A2M: variants seen among roughly 807,000 people sequenced by gnomAD.
A2M encodes the protein C3 and PZP-like alpha-2-macroglobulin domain-containing protein 5.
In A2M, 128 loss-of-function variants were observed where a neutral mutation model predicts 183.9. That is an observed-to-expected ratio of 0.70 (90% CI 0.60 to 0.81). The LOEUF is 0.81. Ranked by LOEUF, A2M falls within the 30% of genes least tolerant of loss-of-function variation. The pLI is 0.00. For synonymous variants in A2M, 592 were observed against 670.8 expected (o/e 0.88, Z 1.81); for missense variants, 1,495 against 1,787.6 (o/e 0.84, Z 2.95).
chr12:9,100,415 T>C (rs987997800), intron 13 of A2M, among the ~76,000 whole-genome samples: 2 of 152,036 alleles, frequency 1.3e-5, no homozygotes, highest in African/African-American at 2.4e-5. Flanking sequence ...ATTTTATTTT[T>C]CCCCCTTTGT....
chr12:9,079,863 C>G lies in A2M; in HGVS notation c.2855-48G>C, dbSNP rs780195234. On this transcript the variant is annotated intron_variant, in intron 23 of 35. Transcript: ENST00000318602. ...AGTCATAAAGCTTGGAGATTATCAT[C>G]TATCAAAGTCATTAAGCAGAAATAA... 3 of 1,450,810 alleles carry G rather than the reference C, an allele frequency of 2.1e-6. No individual in the cohort carries two copies. The South Asian group carries it at 4.8e-5, about 23-fold the overall frequency. 89.9% of individuals were successfully genotyped at this position (1,450,810 alleles called of 1,614,324 possible). A position where few individuals can be genotyped will look rare whatever the true frequency, so the allele number is the denominator to read the frequency against.
chr12:9,080,139 G>A lies in A2M; in HGVS notation c.2809C>T (p.Pro937Ser), dbSNP rs1422178511. 14 of 1,589,418 alleles carry A rather than the reference G, an allele frequency of 8.8e-6. No individual in the cohort carries two copies. The highest frequency in any genetic ancestry group is 1.2e-5 in the South Asian group (1 of 86,654). Residue 937 changes from proline (P) to serine (S), a missense_variant, in exon 23 of 36, where the codon CCA (proline) becomes TCA (serine). Coordinates refer to ENST00000318602, the MANE Select transcript of A2M (RefSeq NM_000014.6). ...VSEELSLKLP[P>S]NVVEESARAS... Reference sequence around the variant, plus strand: ...CGGGCAGATTCTTCTACCACATTTGGTGGCAGTTTCAGGGATAATTCTTCA... The same window carrying A: ...CGGGCAGATTCTTCTACCACATTTGATGGCAGTTTCAGGGATAATTCTTCA...
At position 9,080,177 on chromosome 12, in the gene A2M, C is replaced by T. The variant is rs938277447; in HGVS notation, c.2771G>A (p.Gly924Asp). ...GGATAATTCTTCAGAAACCTCACCA[C>T]CTAGAGAAATAAGCAAATCAGACAT... ...TTFNSLLCPS[G>D]GEVSEELSLK... The change falls in exon 23 of 36, where the codon GGT (glycine) becomes GAT (aspartate). Residue 924 changes from glycine (G) to aspartate (D), a missense_variant and splice_region_variant. By Grantham distance (94) the Gly-to-Asp change is moderately conservative. Transcript: ENST00000318602. The T allele has an allele frequency of 5.1e-6, 8 of 1,571,448 alleles. No individual in the cohort carries two copies. The African/African-American group carries it at 6.8e-5, about 13-fold the overall frequency.
Position 9,076,794 on chromosome 12 carries a change from TC to T in A2M, c.3493del (p.Glu1165LysfsTer11). 1 of 1,613,934 alleles carries T rather than the reference TC, an allele frequency of 6.2e-7. No individual in the cohort carries two copies. The highest frequency in any genetic ancestry group is 8.5e-7 in the Non-Finnish European group (1 of 1,179,896). On this transcript the variant is annotated frameshift_variant, in exon 28 of 36. Transcript: ENST00000318602. LOFTEE classifies it high-confidence loss of function. ...ALAGNQDKRK[E>X]VLKSLNEEAV... is the part of the protein sequence containing the mutation. Reference sequence around the variant, plus strand: ...TTCCTCATTAAGTGACTTGAGTACTTCCTTCCTCTTGTCCTGGTTACCTGCC... The same window carrying T: ...TTCCTCATTAAGTGACTTGAGTACTTCTTCCTCTTGTCCTGGTTACCTGCC...
chr12:9,074,563 G>T lies in A2M; in HGVS notation c.3753C>A (p.Thr1251=). The part of the protein sequence containing the change: ...QQNAQGGFSS[T]QDTVVALHAL... The stretch of plus-strand genomic sequence containing the variant: ...AAGGTTTTGGCAAATCACCAACCTG[G>T]GTGGAGGAGAAACCGCCCTGGGCAT... Residue 1251 remains threonine (T), a synonymous_variant, in exon 29 of 36, where the codon ACC becomes ACA. Transcript: ENST00000318602. 6.2e-7 allele frequency: 1 copy of T among 1,608,652 alleles called. No individual in the cohort carries two copies. The highest frequency in any genetic ancestry group is 1.1e-5 in the South Asian group (1 of 89,852).
In A2M at chr12:9,080,115, G is replaced by A. The variant is rs766777351; in HGVS notation, c.2833C>T (p.Arg945Ter). ...LPPNVVEESA[R>*]ASVSVLGDIL... The stretch of plus-strand genomic sequence containing the variant: ...TCACCCAAAACTGAGACAGAAGCTC[G>A]GGCAGATTCTTCTACCACATTTGGT... The change falls in exon 23 of 36, where the codon CGA becomes TGA. Residue 945 changes from arginine (R) to a stop codon, truncating the protein, a stop_gained. Coordinates refer to ENST00000318602, the MANE Select transcript of A2M (RefSeq NM_000014.6). LOFTEE classifies it high-confidence loss of function. 8.2e-6 allele frequency: 13 copies of A among 1,588,430 alleles called. No individual in the cohort carries two copies. Among genetic ancestry groups the A allele is most frequent in the Non-Finnish European group, 1.1e-5 (13 of 1,166,714 alleles).
intron 19 of A2M, 43 bp downstream of exon 19, chr12:9,091,158 C>T: frequency 6.3e-7 from 1 of 1,589,086 alleles, no homozygotes. Flanking sequence ...TTTTAATTTA[C>T]TTGATGGCTA....
At chr12:9,092,244 T>C (rs1442943604) in intron 18 of A2M, among the ~76,000 whole-genome samples, 1 of 152,068 alleles carries the variant, frequency 6.6e-6, no homozygotes, top group Non-Finnish European at 1.5e-5. Flanking sequence ...GAATAATTTG[T>C]CTATGCATCA....
chr12:9,072,608 C>T (rs938206724), intron 30 of A2M, 45 bp downstream of exon 30: 1 of 1,601,112 alleles, frequency 6.2e-7, no homozygotes. Flanking sequence ...GAGAGAACAG[C>T]TGCTGTCCTC....
At position 9,072,823 on chromosome 12, in the gene A2M, A is replaced by G. The variant is rs767161022; in HGVS notation, c.3805T>C (p.Phe1269Leu). The change falls in exon 30 of 36, where the codon TTT (phenylalanine) becomes CTT (leucine). Residue 1269 changes from phenylalanine (F) to leucine (L), a missense_variant. Transcript: ENST00000318602. Reference sequence around the variant, plus strand: ...TGTGCAGCCTTCCCAGTCCTGGTAAATGTGGCTGCTCCATATTTGGACAGA... The same window carrying G: ...TGTGCAGCCTTCCCAGTCCTGGTAAGTGTGGCTGCTCCATATTTGGACAGA... ...HALSKYGAAT[F>L]TRTGKAAQVT... 8 of 1,614,140 alleles carry G rather than the reference A, an allele frequency of 5.0e-6. No individual in the cohort carries two copies. Among genetic ancestry groups the G allele is most frequent in the Non-Finnish European group, 6.8e-6 (8 of 1,179,986 alleles).
At chr12:9,090,133 A>T in intron 20 of A2M, 110 bp from the exon 21 acceptor site, 1 of 1,482,868 alleles carries the variant, frequency 6.7e-7, no homozygotes, top group Non-Finnish European at 9.1e-7. Flanking sequence ...TTATTAAAAC[A>T]CAGAAGCAGG....
Position 9,109,913 on chromosome 12 carries a change from C to A in A2M, c.627G>T (p.Lys209Asn), listed in dbSNP as rs1938593906. The change falls in exon 6 of 36, where the codon AAG becomes AAT. Residue 209 changes from lysine (K) to asparagine (N), a missense_variant. Lys to Asn is a moderately conservative substitution (Grantham distance 94, BLOSUM62 0). Coordinates refer to ENST00000318602, the MANE Select transcript of A2M (RefSeq NM_000014.6). ...FQGSYKVVVQ[K>N]KSGGRTEHPF... ...GGTGCTCTGTCCTTCCACCTGATTT[C>A]TTCTGTACCACCACCTTGTAGGAGC... The A allele has an allele frequency of 6.2e-7, 1 of 1,613,716 alleles. No individual in the cohort carries two copies. Among genetic ancestry groups the A allele is most frequent in the Non-Finnish European group, 8.5e-7 (1 of 1,179,820 alleles).
chr12:9,094,340 C>CAAATATATAT (rs1949303373), intron 17 of A2M, among the ~76,000 whole-genome samples: 1 of 97,018 alleles, frequency 1.0e-5, no homozygotes, highest in African/African-American at 4.0e-5. Flanking sequence ...AAAAATTGTG[C>CAAATATATAT]ATATATATAT....
At chr12:9,090,778 C>T (rs1949186262) in intron 19 of A2M, among the ~76,000 whole-genome samples, 1 of 152,132 alleles carries the variant, frequency 6.6e-6, no homozygotes, top group African/African-American at 2.4e-5. Flanking sequence ...TTGACCATTC[C>T]CCCGGATCTC....
rs146414372 is a variant in A2M, at chr12:9,112,671, G to T, written c.271-135C>A. 1.3e-3 allele frequency: 1,177 copies of T among 903,148 alleles called. 8 individuals are homozygous for T. The African/African-American group carries it at 0.018, about 14-fold the overall frequency. The allele number at this position is 903,148 out of a possible 1,614,324, so 55.9% of individuals were successfully genotyped here. A position where few individuals can be genotyped will look rare whatever the true frequency, so the allele number is the denominator to read the frequency against. On this transcript the variant is annotated intron_variant, in intron 2 of 35. Coordinates refer to ENST00000318602, the MANE Select transcript of A2M (RefSeq NM_000014.6). ...CCCTTGTTCTCAGCAGGGAAAGTTG[G>T]CATGGACAGGAATCACTTCTGCCAT...
chr12:9,088,482 T>G (rs185832522), intron 22 of A2M, among the ~76,000 whole-genome samples: 9 of 152,294 alleles, frequency 5.9e-5, no homozygotes, highest in African/African-American at 2.2e-4. Context: ...AAGGAAGTTA[T>G]GTTTTTAGGG....
At chr12:9,069,444 A>G (rs1948498448) in intron 33 of A2M, among the ~76,000 whole-genome samples, 1 of 152,188 alleles carries the variant, frequency 6.6e-6, no homozygotes, top group Non-Finnish European at 1.5e-5. Flanking sequence ...CACAAGGGCT[A>G]CTTCCTTATA....
chr12:9,083,732 G>C (rs902988575), intron 22 of A2M, among the ~76,000 whole-genome samples: 3 of 142,974 alleles, frequency 2.1e-5, no homozygotes, highest in African/African-American at 7.8e-5. Context: ...AAGCAATAAT[G>C]AAAAAAAAGA....
In A2M at chr12:9,109,288, C is replaced by G. The variant is rs1450040147; in HGVS notation, c.758+33G>C. 3.3e-6 allele frequency: 5 copies of G among 1,524,834 alleles called. No homozygotes were observed. The South Asian group carries it at 5.7e-5, about 17-fold the overall frequency. The allele number at this position is 1,524,834 out of a possible 1,614,324, so 94.5% of individuals were successfully genotyped here. ...AAATGGTGAGTCTCTTTTAAATAAT[C>G]CCCCACAAAAGATTTTTAAAAAATG... On this transcript the variant is annotated intron_variant, in intron 7 of 35. Coordinates refer to ENST00000318602, the MANE Select transcript of A2M (RefSeq NM_000014.6).
Sources: allele counts gnomAD v4.1 joint callset (sites outside exome capture counted in the v4.1 genomes callset), GRCh38; gene constraint gnomAD v4.1.1; transcripts MANE v1.5; gene names NCBI Gene and HGNC (gene_info 2026-07-23, HGNC 2026-07-21).